Variants in ULK4 observed in about 807,000 individuals in gnomAD.
The protein encoded by ULK4 is unc-51 like kinase 4.
In ULK4, 133 loss-of-function variants were observed where a neutral mutation model predicts 160.6. That is an observed-to-expected ratio of 0.83 (90% confidence interval 0.72 to 0.96). The LOEUF (loss-of-function observed/expected upper bound fraction) is 0.96, where lower values mean the gene tolerates loss of function less well. Ranked by LOEUF, ULK4 falls within the 40% of genes least tolerant of loss-of-function variation. The pLI is 0.00. For missense variants in ULK4, 1,580 were observed against 1,499.5 expected (o/e 1.05, Z -0.89); for synonymous variants, 534 against 539.8 (o/e 0.99, Z 0.15).
At chr3:41,824,770 A>T (rs1425377240) in intron 18 of ULK4, among the ~76,000 whole-genome samples, 1 of 152,188 alleles carries the variant, frequency 6.6e-6, no homozygotes, top group Non-Finnish European at 1.5e-5. Flanking sequence ...GGCAGGAGAA[A>T]CCTCTACAGA....
chr3:41,823,565 T>C (rs1420776141), intron 18 of ULK4, among the ~76,000 whole-genome samples: 1 of 152,250 alleles, frequency 6.6e-6, no homozygotes, highest in African/African-American at 2.4e-5. Context: ...TCTGGTCTTC[T>C]GTCTGTAAGC....
chr3:41,902,559 C>G lies in ULK4; in HGVS notation c.1183-1730G>C, dbSNP rs1196107786. On this transcript the variant is annotated intron_variant, in intron 12 of 36. Coordinates refer to ENST00000301831, the MANE Select transcript of ULK4 (RefSeq NM_017886.4). ...CGCCATCGCACACCAGCCTAGGTGA[C>G]AAAGCGAGACTCCACCAAAAAAAAA... 5.3e-5 allele frequency among the ~76,000 whole-genome samples: 6 copies of G among 114,070 alleles called. 1 individual carries two copies. Among genetic ancestry groups the G allele is most frequent in the African/African-American group, 2.0e-4 (6 of 29,364 alleles). The allele number at this position is 114,070 out of a possible 152,430, so 74.8% of individuals were successfully genotyped here. A position where few individuals can be genotyped will look rare whatever the true frequency, so the allele number is the denominator to read the frequency against.
intron 27 of ULK4, among the ~76,000 whole-genome samples, chr3:41,700,885 T>C (rs542439330): frequency 6.6e-6 from 1 of 151,790 alleles, no homozygotes; most frequent in African/African-American, 2.4e-5. Context: ...CAATACAGAT[T>C]TGAAAATAAA....
intron 20 of ULK4, among the ~76,000 whole-genome samples, chr3:41,798,660 C>A (rs2040368549): frequency 6.6e-6 from 1 of 151,644 alleles, no homozygotes; most frequent in Admixed American, 6.6e-5. Flanking sequence ...GAAAAGTGGG[C>A]CGGAAAAGAG....
chr3:41,482,891 G>C (rs1171813641), intron 32 of ULK4, among the ~76,000 whole-genome samples: 1 of 152,068 alleles, frequency 6.6e-6, no homozygotes, highest in Non-Finnish European at 1.5e-5. Flanking sequence ...GTACATAATA[G>C]GTGTAAGGTG....
intron 34 of ULK4, among the ~76,000 whole-genome samples, chr3:41,441,278 T>C (rs990406616): frequency 9.9e-5 from 15 of 151,920 alleles, no homozygotes; most frequent in Admixed American, 7.2e-4. Context: ...AAAAGAGGAG[T>C]CATGTGCTGT....
chr3:41,920,399 T>C (rs1018243092), intron 5 of ULK4, among the ~76,000 whole-genome samples: 3 of 152,216 alleles, frequency 2.0e-5, no homozygotes, highest in Non-Finnish European at 4.4e-5. Flanking sequence ...TCCAGGAGAA[T>C]AGGAAATATT....
At chr3:41,820,622 A>G (rs1371349429) in intron 18 of ULK4, among the ~76,000 whole-genome samples, 4 of 152,226 alleles carry the variant, frequency 2.6e-5, no homozygotes, top group African/African-American at 9.6e-5. Flanking sequence ...TAGAGACTAC[A>G]ACAAGTGGGG....
intron 32 of ULK4, among the ~76,000 whole-genome samples, chr3:41,512,554 A>T (rs998527476): frequency 1.3e-5 from 2 of 152,222 alleles, no homozygotes; most frequent in East Asian, 3.8e-4. Context: ...ACACTTCAGA[A>T]TATACCTAAC....
chr3:41,801,136 G>C (rs573729718), intron 19 of ULK4, among the ~76,000 whole-genome samples: 1 of 151,956 alleles, frequency 6.6e-6, no homozygotes, highest in Non-Finnish European at 1.5e-5. Context: ...CATAAGGAGA[G>C]AAACAAAAGA....
chr3:41,335,693 C>A (rs1239141760), intron 35 of ULK4, among the ~76,000 whole-genome samples: 3 of 150,526 alleles, frequency 2.0e-5, no homozygotes, highest in African/African-American at 7.3e-5. Context: ...GTCCTAGACG[C>A]ATAAAAAATT....
chr3:41,580,209 T>C (rs549145021), intron 31 of ULK4, among the ~76,000 whole-genome samples: 23 of 152,234 alleles, frequency 1.5e-4, no homozygotes, highest in African/African-American at 5.3e-4. Context: ...CTTGTATTTA[T>C]AGGGGTTGAG....
At chr3:41,722,914 A>G (rs1475341088) in intron 22 of ULK4, among the ~76,000 whole-genome samples, 1 of 152,148 alleles carries the variant, frequency 6.6e-6, no homozygotes, top group Non-Finnish European at 1.5e-5. Flanking sequence ...CCTGGTACAC[A>G]TGTGCAAGAG....
At chr3:41,678,932 T>C (rs1045585491) in intron 29 of ULK4, among the ~76,000 whole-genome samples, 2 of 152,206 alleles carry the variant, frequency 1.3e-5, no homozygotes, top group African/African-American at 4.8e-5. Context: ...GAATTTTCCA[T>C]TATTAGTATT....
chr3:41,560,434 A>T (rs989227756), intron 32 of ULK4, among the ~76,000 whole-genome samples: 4 of 152,206 alleles, frequency 2.6e-5, no homozygotes, highest in African/African-American at 7.2e-5. Flanking sequence ...ATGACATTGA[A>T]TCTATAAATT....
chr3:41,347,584 C>G (rs1047594940), intron 35 of ULK4, among the ~76,000 whole-genome samples: 3 of 152,138 alleles, frequency 2.0e-5, no homozygotes, highest in African/African-American at 7.2e-5. Context: ...TTTCCTGCCA[C>G]CATACTCATC....
rs545025256 is a variant in ULK4 at position 41,556,767 on chromosome 3, A to G, written c.3226+9258T>C. 4.6e-5 allele frequency among the ~76,000 whole-genome samples: 7 copies of G among 152,240 alleles called. No homozygotes were observed. In the East Asian group the frequency reaches 1.2e-3, roughly 25 times the overall value. On this transcript the variant is annotated intron_variant, in intron 32 of 36. Coordinates refer to ENST00000301831, the MANE Select transcript of ULK4 (RefSeq NM_017886.4). Reference sequence around the variant, plus strand: ...CTCCAAAAGTGCTGGGATTACAGGCATGACCCACTGTGCCCGGCCCAAACT... The same window carrying G: ...CTCCAAAAGTGCTGGGATTACAGGCGTGACCCACTGTGCCCGGCCCAAACT...
At chr3:41,882,444 T>C (rs1167156866) in intron 17 of ULK4, among the ~76,000 whole-genome samples, 2 of 152,208 alleles carry the variant, frequency 1.3e-5, no homozygotes, top group East Asian at 1.9e-4. Context: ...AAGCACTCAA[T>C]AGCCATAGTG....
chr3:41,361,239 G>C lies in ULK4; in HGVS notation c.3678+36840C>G, dbSNP rs181784695. On this transcript the variant is annotated intron_variant, in intron 35 of 36. Coordinates refer to ENST00000301831, the MANE Select transcript of ULK4 (RefSeq NM_017886.4). ...TGTTCTCTCCTTATCTGTTTCCTCA[G>C]TGACATATGAAGGTCATCAGCTGAG... Among the ~76,000 whole-genome samples the C allele has an allele frequency of 1.1e-3, 170 of 152,274 alleles. 2 individuals are homozygous for C. The highest frequency in any genetic ancestry group is 3.8e-3 in the African/African-American group (156 of 41,566).
Sources: gnomAD v4.1 joint callset for allele counts (sites outside exome capture counted in the v4.1 genomes callset) on GRCh38, gnomAD v4.1.1 for gene constraint, MANE v1.5 for transcripts, NCBI Gene and HGNC (gene_info 2026-07-23, HGNC 2026-07-21) for gene names.